DPH6: variants seen among roughly 807,000 people sequenced by gnomAD.
The protein encoded by DPH6 is diphthine--ammonia ligase.
Under a neutral mutation model 38.2 loss-of-function variants are expected in DPH6, and 33 were observed. The observed-to-expected ratio is 0.86, with a 90% confidence interval of 0.65 to 1.15. DPH6 has a LOEUF of 1.15. Ranked by LOEUF, DPH6 falls within the 50% of genes most tolerant of loss-of-function variation. DPH6 has a pLI of 0.00. For missense variants in DPH6, 325 were observed against 320.0 expected (o/e 1.02, Z -0.12); for synonymous variants, 108 against 103.0 (o/e 1.05, Z -0.30).
At chr15:35,149,488 C>A in the DPH6 span, among the ~76,000 whole-genome samples, 1 of 152,156 alleles carries the variant, frequency 6.6e-6, no homozygotes, top group African/African-American at 2.4e-5. Context: ...TCGCCTGCCT[C>A]GGCCTCCCAA....
chr15:35,385,677 T>C (rs1385433722), intron 6 of DPH6, among the ~76,000 whole-genome samples: 1 of 152,000 alleles, frequency 6.6e-6, no homozygotes, highest in African/African-American at 2.4e-5. Context: ...AACAGGTTGA[T>C]GGTTGCAGCA....
At chr15:35,440,500 A>C (rs998903520) in intron 5 of DPH6, among the ~76,000 whole-genome samples, 1 of 152,230 alleles carries the variant, frequency 6.6e-6, no homozygotes, top group African/African-American at 2.4e-5. Context: ...GGGAACCTTA[A>C]ATAGGCCTCT....
intron 5 of DPH6, among the ~76,000 whole-genome samples, chr15:35,437,142 G>A (rs1024636510): frequency 2.0e-5 from 3 of 152,024 alleles, no homozygotes; most frequent in African/African-American, 7.2e-5. Context: ...GAAAGAAAGA[G>A]GGATGCCTCA....
the DPH6 span, among the ~76,000 whole-genome samples, chr15:35,193,007 T>C: frequency 6.6e-6 from 1 of 152,204 alleles, no homozygotes; most frequent in Non-Finnish European, 1.5e-5. Context: ...CAGAATGATA[T>C]GTGCTACAAT....
chr15:35,293,926 T>C (rs1469239955), intron 3 of DPH6, among the ~76,000 whole-genome samples: 4 of 152,218 alleles, frequency 2.6e-5, no homozygotes, highest in Non-Finnish European at 5.9e-5. Context: ...CTTGTTAGCA[T>C]AAGGGGCACA....
At chr15:35,207,548 T>A in the DPH6 span, among the ~76,000 whole-genome samples, 1 of 152,204 alleles carries the variant, frequency 6.6e-6, no homozygotes, top group African/African-American at 2.4e-5. Context: ...ATTATTACTA[T>A]AATAATCATC....
At chr15:35,503,646 T>G (rs1363559218) in intron 3 of DPH6, among the ~76,000 whole-genome samples, 1 of 152,150 alleles carries the variant, frequency 6.6e-6, no homozygotes, top group African/African-American at 2.4e-5. Flanking sequence ...GTTCAATTGA[T>G]TGTTCCTTTT....
rs545447639 is a variant in DPH6, at chr15:35,408,231, C to T, written c.567+2604G>A. Among the ~76,000 whole-genome samples, 31 of 151,988 alleles carry T rather than the reference C, an allele frequency of 2.0e-4. 1 individual carries two copies. Among genetic ancestry groups the T allele is most frequent in the African/African-American group, 7.2e-4 (30 of 41,500 alleles). On this transcript the variant is annotated intron_variant, in intron 6 of 8. Coordinates refer to ENST00000256538, the MANE Select transcript of DPH6 (RefSeq NM_080650.4). ...TTTTTGCCTGTAGGCAATGAGGACT[C>T]ACTTAAAGTTTTGACTGAGTGACAC...
At chr15:35,392,130 G>C (rs2140960571) in intron 6 of DPH6, among the ~76,000 whole-genome samples, 1 of 152,286 alleles carries the variant, frequency 6.6e-6, no homozygotes, top group East Asian at 1.9e-4. Flanking sequence ...TGGTTTGTAA[G>C]AATGCCTTGG....
At chr15:35,344,607 T>C (rs913174603) in intron 3 of DPH6, among the ~76,000 whole-genome samples, 2 of 151,894 alleles carry the variant, frequency 1.3e-5, no homozygotes, top group East Asian at 1.9e-4. Context: ...TAAAATTGAA[T>C]AAAAAAAGAG....
chr15:35,214,851 A>T (rs558602967), downstream of DPH6, among the ~76,000 whole-genome samples: 15 of 152,236 alleles, frequency 9.9e-5, no homozygotes, highest in African/African-American at 2.9e-4. Flanking sequence ...CAGGTGATCC[A>T]GCTGCCTCAG....
intron 3 of DPH6, among the ~76,000 whole-genome samples, chr15:35,344,835 G>C (rs557837999): frequency 1.3e-5 from 2 of 151,786 alleles, no homozygotes; most frequent in Non-Finnish European, 3.0e-5. Context: ...ATCTTAAACT[G>C]AATTTGAACT....
At chr15:35,213,531 C>T (rs77939420), downstream of DPH6, among the ~76,000 whole-genome samples, 606 of 152,312 alleles carry the variant, frequency 4.0e-3, 1 homozygote, top group Non-Finnish European at 6.3e-3. Context: ...AAGGCCATAG[C>T]AGGCTTTTCT....
At chr15:35,354,762 G>GC (rs1281701127) in intron 3 of DPH6, among the ~76,000 whole-genome samples, 2 of 152,010 alleles carry the variant, frequency 1.3e-5, no homozygotes, top group African/African-American at 2.4e-5. Flanking sequence ...TTGTGTCTCT[G>GC]CAGGCTTTGC....
chr15:35,280,148 A>T (rs1358709898), intron 3 of DPH6, among the ~76,000 whole-genome samples: 1 of 152,214 alleles, frequency 6.6e-6, no homozygotes, highest in Non-Finnish European at 1.5e-5. Flanking sequence ...GCCCAAGCAG[A>T]CTAATACAAT....
At chr15:35,439,946 T>G (rs2053766645) in intron 5 of DPH6, among the ~76,000 whole-genome samples, 1 of 152,228 alleles carries the variant, frequency 6.6e-6, no homozygotes, top group Admixed American at 6.5e-5. Context: ...TCAATCCTAT[T>G]ATGCTTTGTT....
In DPH6 at chr15:35,538,359, C is replaced by T. The variant is rs1459814740; in HGVS notation, c.227G>A (p.Gly76Glu). 3 of 1,611,818 alleles carry T rather than the reference C, an allele frequency of 1.9e-6. No homozygotes were observed. Among genetic ancestry groups the T allele is most frequent in the Non-Finnish European group, 1.7e-6 (2 of 1,178,394 alleles). Reference sequence around the variant, plus strand: ...CACTTGTCTTGTATCCAAGCTCCTTCCTCTTATGGTTCGGCGATAGAGGGG... The same window carrying T: ...CACTTGTCTTGTATCCAAGCTCCTTTCTCTTATGGTTCGGCGATAGAGGGG... ...ALPLYRRTIR[G>E]RSLDTRQVYT... The change falls in exon 3 of 9, where the codon GGA (glycine) becomes GAA (glutamate). Residue 76 changes from glycine (G) to glutamate (E), a missense_variant. By Grantham distance (98) the Gly-to-Glu change is moderately conservative. Coordinates refer to ENST00000256538, the MANE Select transcript of DPH6 (RefSeq NM_080650.4).
rs72703175 is a variant in DPH6, at chr15:35,394,239, A to G, written c.568-12323T>C. On this transcript the variant is annotated intron_variant, in intron 6 of 8. Transcript: ENST00000256538. ...GCTGCTAATACTATCACTACTAATT[A>G]AAGACTATTTGGTTTATGACTTAAG... Among the ~76,000 whole-genome samples the G allele has an allele frequency of 1.7e-3, 264 of 152,274 alleles. 1 individual carries two copies. Among genetic ancestry groups the G allele is most frequent in the East Asian group, 5.0e-3 (26 of 5,186 alleles).
At chr15:35,312,027 AAAAAAT>A (rs1214198477) in intron 3 of DPH6, among the ~76,000 whole-genome samples, 2 of 151,128 alleles carry the variant, frequency 1.3e-5, no homozygotes, top group African/African-American at 4.9e-5. Flanking sequence ...AAAAAAAAAA[AAAAAAT>A]AGAACAGGAA....
Sources: allele counts gnomAD v4.1 joint callset (sites outside exome capture counted in the v4.1 genomes callset), GRCh38; gene constraint gnomAD v4.1.1; transcripts MANE v1.5; gene names NCBI Gene and HGNC (gene_info 2026-07-23, HGNC 2026-07-21).